The following CHLSN variants were observed in gnomAD, a reference collection of about 807,000 sequenced individuals.
CHLSN encodes the protein cholesin.
chr7:1,079,572 A>C, the CHLSN span, among the ~76,000 whole-genome samples: 3 of 152,358 alleles, frequency 2.0e-5, no homozygotes, highest in Admixed American at 2.0e-4. Flanking sequence ...GAAAACATTC[A>C]ATAAACCAGC....
At chr7:1,116,983 C>T in the CHLSN span, among the ~76,000 whole-genome samples, 1 of 46,738 alleles carries the variant, frequency 2.1e-5, no homozygotes, top group Non-Finnish European at 3.6e-5. Context: ...GTTCTAGGAC[C>T]GGCTTCCATC....
the CHLSN span, among the ~76,000 whole-genome samples, chr7:1,006,616 G>A: frequency 1.4e-5 from 2 of 147,214 alleles, no homozygotes; most frequent in African/African-American, 5.1e-5. Flanking sequence ...ACAGCGCGGG[G>A]AAAGAGCGCA....
chr7:1,123,414 G>A, the CHLSN span, among the ~76,000 whole-genome samples: 1 of 152,098 alleles, frequency 6.6e-6, no homozygotes, highest in Non-Finnish European at 1.5e-5. This position sits in a 1 kb window ranked among gnomAD's most constrained non-coding sequence, Gnocchi z 4.4. Context: ...GCCCACGGGG[G>A]GACACAGGCT....
chr7:1,130,715 G>A, the CHLSN span, among the ~76,000 whole-genome samples: 21 of 152,228 alleles, frequency 1.4e-4, no homozygotes, highest in African/African-American at 5.1e-4. Context: ...GCCCCGGGCG[G>A]GTGGGGGCGG....
At chr7:1,038,988 C>T in the CHLSN span, among the ~76,000 whole-genome samples, 145 of 70,208 alleles carry the variant, frequency 2.1e-3, 8 homozygotes, top group Middle Eastern at 0.017. Flanking sequence ...CCCGGCCAGC[C>T]GCCCCGTCCG....
At chr7:1,011,835 G>A in the CHLSN span, among the ~76,000 whole-genome samples, 4,572 of 152,254 alleles carry the variant, frequency 0.03, 90 homozygotes, top group African/African-American at 0.044. Flanking sequence ...GAGGAGCACC[G>A]TCCCTGGCAG....
chr7:1,126,851 G>A, the CHLSN span, among the ~76,000 whole-genome samples: 1 of 152,102 alleles, frequency 6.6e-6, no homozygotes, highest in South Asian at 2.1e-4. Flanking sequence ...TATTCGACAC[G>A]AACATTTCTA....
At chr7:1,120,318 T>A in the CHLSN span, among the ~76,000 whole-genome samples, 2 of 152,130 alleles carry the variant, frequency 1.3e-5, no homozygotes, top group South Asian at 2.1e-4. Flanking sequence ...GGGTTTTTTT[T>A]ATTTTTAGAC....
the CHLSN span, among the ~76,000 whole-genome samples, chr7:1,078,352 G>C: frequency 8.5e-5 from 13 of 152,188 alleles, no homozygotes; most frequent in South Asian, 1.7e-3. Context: ...TGCGGGGTGG[G>C]GGGGGGCTCA....
the CHLSN span, among the ~76,000 whole-genome samples, chr7:1,040,627 C>T: frequency 2.6e-5 from 4 of 151,488 alleles, no homozygotes; most frequent in Non-Finnish European, 5.9e-5. Context: ...TGTTTGGGAC[C>T]TGGGAGTCAT....
chr7:1,014,782 T>C, the CHLSN span, among the ~76,000 whole-genome samples: 30 of 152,226 alleles, frequency 2.0e-4, no homozygotes, highest in Non-Finnish European at 3.7e-4. Context: ...GGGGGCCACA[T>C]TGGCCGCCGG....
At chr7:1,007,644 C>T in the CHLSN span, among the ~76,000 whole-genome samples, 2 of 152,108 alleles carry the variant, frequency 1.3e-5, no homozygotes, top group African/African-American at 4.8e-5. Flanking sequence ...GATCCCAGGC[C>T]TTGGAAGAAG....
the CHLSN span, among the ~76,000 whole-genome samples, chr7:1,105,927 G>C: frequency 6.6e-6 from 1 of 152,224 alleles, no homozygotes; most frequent in Non-Finnish European, 1.5e-5. Context: ...TATGCTGAGA[G>C]TTCGGCCGTG....
At chr7:1,094,134 G>A in the CHLSN span, among the ~76,000 whole-genome samples, 2,051 of 152,336 alleles carry the variant, frequency 0.013, 53 homozygotes, top group African/African-American at 0.046. Context: ...GGCCGCGTGC[G>A]AGGCCCAAGA....
chr7:1,134,780 G>C, the CHLSN span, among the ~76,000 whole-genome samples: 5 of 151,850 alleles, frequency 3.3e-5, no homozygotes, highest in Non-Finnish European at 7.4e-5. Flanking sequence ...GGGAGGCTGA[G>C]GCAGGAGAAT....
the CHLSN span, chr7:1,091,476 G>C: frequency 2.1e-6 from 1 of 474,794 alleles, no homozygotes; most frequent in South Asian, 4.1e-5. Flanking sequence ...ACGCCCGCCG[G>C]ACGAGCACGC....
At chr7:1,006,721 C>A in the CHLSN span, among the ~76,000 whole-genome samples, 2 of 151,314 alleles carry the variant, frequency 1.3e-5, no homozygotes, top group Non-Finnish European at 2.9e-5. Context: ...GCATGACGGT[C>A]ACAGCGCAGA....
the CHLSN span, among the ~76,000 whole-genome samples, chr7:1,096,127 C>T: frequency 0.024 from 3,723 of 152,318 alleles, 58 homozygotes; most frequent in Non-Finnish European, 0.03. The surrounding 1 kb of genome is among the most constrained non-coding windows in gnomAD (Gnocchi z 4.6). Context: ...CCATCCTGCC[C>T]GCACCAGACA....
At chr7:1,101,166 A>G in the CHLSN span, among the ~76,000 whole-genome samples, 1 of 152,262 alleles carries the variant, frequency 6.6e-6, no homozygotes, top group African/African-American at 2.4e-5. Flanking sequence ...GCTCTCGCAC[A>G]CACCCAGGCT....
Sources: gnomAD v4.1 joint callset for allele counts (sites outside exome capture counted in the v4.1 genomes callset) on GRCh38, gnomAD v4.1.1 for gene constraint, Gnocchi (gnomAD v3.1) non-coding constraint, MANE v1.5 for transcripts, NCBI Gene and HGNC (gene_info 2026-07-23, HGNC 2026-07-21) for gene names.